Variants in POLA1 observed in about 807,000 individuals in gnomAD.
The protein encoded by POLA1 is DNA polymerase alpha 1, catalytic subunit.
In POLA1, 15 loss-of-function variants were observed where a neutral mutation model predicts 124.0. The ratio of observed to expected loss-of-function variants is 0.12; its 90% CI spans 0.08 to 0.19. The LOEUF is 0.19. Ranked by LOEUF, POLA1 falls within the 10% of genes least tolerant of loss-of-function variation. The probability of loss-of-function intolerance (pLI) is 1.00; values close to 1 mark genes in which losing one functional copy is unlikely to be tolerated. For missense variants in POLA1, 886 were observed against 1,103.4 expected (o/e 0.80, Z 2.79); for synonymous variants, 408 against 389.4 (o/e 1.05, Z -0.56).
rs1280510348 is a variant in POLA1 at position 24,748,436 on chromosome X, C to G, written c.2817C>G (p.Asp939Glu). The change falls in exon 25 of 37, where the codon GAC (aspartate) becomes GAG (glutamate). Residue 939 changes from aspartate to glutamate, a missense_variant. Physicochemically the swap from Asp to Glu is conservative, Grantham distance 45. Coordinates refer to ENST00000379068, the MANE Select transcript of POLA1 (RefSeq NM_001330360.2). Reference protein sequence around the residue: ...KQVKQLMKQQDLNPDLILQYD... With the variant: ...KQVKQLMKQQELNPDLILQYD... Reference sequence around the variant, plus strand: ...TCAAACAGCTAATGAAACAGCAAGACTTAAATCCAGACCTTATTCTTCAGG... The same window carrying G: ...TCAAACAGCTAATGAAACAGCAAGAGTTAAATCCAGACCTTATTCTTCAGG... The G allele has an allele frequency of 9.2e-6, 11 of 1,201,381 alleles. No homozygotes were observed. Among genetic ancestry groups the G allele is most frequent in the Non-Finnish European group, 1.2e-5 (11 of 887,710 alleles).
intron 20 of POLA1, among the ~76,000 whole-genome samples, chrX:24,740,238 TCTTA>T (rs1236415114): frequency 1.8e-5 from 2 of 111,569 alleles, no homozygotes; most frequent in African/African-American, 6.5e-5. Flanking sequence ...ACTTCCAGAG[TCTTA>T]CTTAGCCCCA....
At chrX:24,710,376 G>A (rs950759155) in intron 4 of POLA1, among the ~76,000 whole-genome samples, 4 of 111,463 alleles carry the variant, frequency 3.6e-5, no homozygotes, top group Non-Finnish European at 7.5e-5. Context: ...AATGAATCAT[G>A]CAGTATTTTA....
chrX:24,987,175 G>A (rs1261630785), intron 36 of POLA1, among the ~76,000 whole-genome samples: 1 of 111,978 alleles, frequency 8.9e-6, no homozygotes, highest in Non-Finnish European at 1.9e-5. Flanking sequence ...AGGAACTGGG[G>A]CCTCAGTTCA....
intron 30 of POLA1, among the ~76,000 whole-genome samples, chrX:24,820,353 T>G (rs185417079): frequency 1.8e-5 from 2 of 111,412 alleles, no homozygotes; most frequent in Non-Finnish European, 3.8e-5. Flanking sequence ...GGCTCTGCAG[T>G]CCACACTTTG....
At chrX:24,946,388 A>G (rs1003635548) in intron 36 of POLA1, among the ~76,000 whole-genome samples, 2 of 110,574 alleles carry the variant, frequency 1.8e-5, no homozygotes, top group African/African-American at 6.8e-5. Context: ...TGCTCATCTT[A>G]CCTGGGGTGT....
At chrX:24,879,270 C>T (rs1293382691) in intron 34 of POLA1, among the ~76,000 whole-genome samples, 1 of 111,596 alleles carries the variant, frequency 9.0e-6, no homozygotes, top group Non-Finnish European at 1.9e-5. Flanking sequence ...TTCTTTCCTC[C>T]TTTCCCTTGT....
At chrX:24,771,042 A>G (rs1278143907) in intron 26 of POLA1, among the ~76,000 whole-genome samples, 1 of 111,541 alleles carries the variant, frequency 9.0e-6, no homozygotes, top group African/African-American at 3.3e-5. Context: ...TATAAATTCC[A>G]TCTCCTAGTG....
At chrX:24,770,289 A>C (rs1225464874) in intron 26 of POLA1, among the ~76,000 whole-genome samples, 1 of 111,496 alleles carries the variant, frequency 9.0e-6, no homozygotes, top group Non-Finnish European at 1.9e-5. Flanking sequence ...GGTGGAGGGA[A>C]AGGAAAGAAA....
intron 26 of POLA1, among the ~76,000 whole-genome samples, chrX:24,768,145 G>A (rs998983388): frequency 8.9e-6 from 1 of 112,337 alleles, no homozygotes; most frequent in South Asian, 3.6e-4. Context: ...GAAAGGATGT[G>A]TACTGTATTA....
At chrX:24,728,204 A>G (rs1392651106) in intron 15 of POLA1, among the ~76,000 whole-genome samples, 1 of 111,933 alleles carries the variant, frequency 8.9e-6, no homozygotes, top group Non-Finnish European at 1.9e-5. Context: ...AATAAAATGA[A>G]CTCCCCATAC....
At chrX:24,944,786 A>G (rs1235576742) in intron 36 of POLA1, among the ~76,000 whole-genome samples, 2 of 112,411 alleles carry the variant, frequency 1.8e-5, no homozygotes, top group African/African-American at 6.5e-5. Flanking sequence ...GGGAAAGATA[A>G]TATTTGTCTT....
intron 35 of POLA1, among the ~76,000 whole-genome samples, chrX:24,920,834 C>T (rs1032244268): frequency 1.8e-5 from 2 of 112,277 alleles, no homozygotes; most frequent in Admixed American, 1.9e-4. Context: ...TTAAGCCCCT[C>T]CTTTGGCATA....
chrX:24,745,544 T>A lies in POLA1; in HGVS notation c.2691+2T>A. ...TCAGAGGCACAGAAAGTTACAGAGG[T>A]TTGTATTTAACCTGGGACTCTTGAA... On this transcript the variant is annotated splice_donor_variant, in intron 24 of 36. Coordinates refer to ENST00000379068, the MANE Select transcript of POLA1 (RefSeq NM_001330360.2). LOFTEE classifies it high-confidence loss of function. The A allele has an allele frequency of 8.7e-7, 1 of 1,146,086 alleles. No individual in the cohort carries two copies. Among genetic ancestry groups the A allele is most frequent in the Non-Finnish European group, 1.2e-6 (1 of 845,775 alleles). 94.5% of individuals were successfully genotyped at this position (1,146,086 alleles called of 1,213,427 possible).
At chrX:24,973,537 C>T (rs1431075849) in intron 36 of POLA1, among the ~76,000 whole-genome samples, 3 of 111,935 alleles carry the variant, frequency 2.7e-5, no homozygotes, top group African/African-American at 9.7e-5. Flanking sequence ...CTATCTTGGC[C>T]TTTGTCATGG....
At chrX:24,745,672 G>A in intron 24 of POLA1, 130 bp downstream of exon 24, 1 of 415,749 alleles carries the variant, frequency 2.4e-6, no homozygotes, top group South Asian at 4.8e-5. Context: ...TGTTTGAAGT[G>A]TGTAGTTCAG....
At chrX:24,980,600 T>G (rs2048409868) in intron 36 of POLA1, among the ~76,000 whole-genome samples, 1 of 111,413 alleles carries the variant, frequency 9.0e-6, no homozygotes, top group Non-Finnish European at 1.9e-5. Flanking sequence ...TTTGACAGTT[T>G]GTGTGTGTTG....
intron 32 of POLA1, among the ~76,000 whole-genome samples, chrX:24,835,231 T>C (rs2147047127): frequency 9.1e-6 from 1 of 110,100 alleles, no homozygotes; most frequent in South Asian, 4.0e-4. Context: ...TTTGTATTTT[T>C]AGTAGAGACG....
intron 26 of POLA1, among the ~76,000 whole-genome samples, chrX:24,763,387 A>AG (rs1435782020): frequency 9.0e-6 from 1 of 111,620 alleles, no homozygotes; most frequent in East Asian, 2.8e-4. Context: ...GAGCACTGGA[A>AG]GATGACCAGG....
intron 32 of POLA1, among the ~76,000 whole-genome samples, chrX:24,841,133 A>G (rs1448734055): frequency 2.7e-5 from 3 of 112,131 alleles, no homozygotes; most frequent in African/African-American, 9.7e-5. Context: ...TTTGTCTCAG[A>G]TGCTGCTACT....
Sources: gnomAD v4.1 joint callset for allele counts (sites outside exome capture counted in the v4.1 genomes callset) on GRCh38, gnomAD v4.1.1 for gene constraint, MANE v1.5 for transcripts, NCBI Gene and HGNC (gene_info 2026-07-23, HGNC 2026-07-21) for gene names.